KIRREL3: variants seen among roughly 807,000 people sequenced by gnomAD.
KIRREL3 encodes kin of IRRE-like protein 3.
A neutral mutation model predicts 89.7 loss-of-function variants in KIRREL3; 36 were observed. The observed-to-expected ratio is 0.40, with a 90% CI of 0.31 to 0.53. The LOEUF (loss-of-function observed/expected upper bound fraction) is 0.53. KIRREL3 is among the 20% of genes least tolerant of loss of function. The probability of loss-of-function intolerance (pLI) is 0.49; values close to 1 mark genes in which losing one functional copy is unlikely to be tolerated. For missense variants in KIRREL3, 864 were observed against 1,056.6 expected (o/e 0.82, Z 2.53); for synonymous variants, 445 against 441.4 (o/e 1.01, Z -0.10).
chr11:126,936,284 A>G (rs768546141), intron 1 of KIRREL3: 2 of 152,214 alleles, frequency 1.3e-5, no homozygotes, highest in Non-Finnish European at 2.9e-5. Context: ...CCCTCAATAC[A>G]TTGCTGGTAG....
intron 1 of KIRREL3, among the ~76,000 whole-genome samples, chr11:126,680,397 G>GAT (rs150251599): frequency 0.019 from 2,803 of 143,936 alleles, 32 homozygotes; most frequent in African/African-American, 0.039. Context: ...TTCTACTGGA[G>GAT]ATATATATAT....
At chr11:126,859,661 A>C (rs1158848024) in intron 1 of KIRREL3, among the ~76,000 whole-genome samples, 1 of 152,236 alleles carries the variant, frequency 6.6e-6, no homozygotes, top group East Asian at 1.9e-4. Context: ...ATTGACATTA[A>C]AGGTAAAACT....
At position 126,990,407 on chromosome 11, in the gene KIRREL3, C is replaced by T. The variant is rs2135275075; in HGVS notation, c.55+10048G>A. Among the ~76,000 whole-genome samples the T allele has an allele frequency of 6.6e-6, 1 of 152,160 alleles. No individual in the cohort carries two copies. Among genetic ancestry groups the T allele is most frequent in the East Asian group, 1.9e-4 (1 of 5,150 alleles). On this transcript the variant is annotated intron_variant, in intron 1 of 16. Transcript: ENST00000525144. This position sits in a 1 kb window ranked among gnomAD's most constrained non-coding sequence, Gnocchi z 6.3. ...CCATCTGTAACGTTGCCCTCACCAC[C>T]CAGAGGCGAGGAGGAGAGCCCCCCA...
At position 126,891,916 on chromosome 11, in the gene KIRREL3, CA is replaced by C. The variant is rs752242908; in HGVS notation, c.55+108538del. Among the ~76,000 whole-genome samples, 4 of 152,220 alleles carry C rather than the reference CA, an allele frequency of 2.6e-5. No individual in the cohort carries two copies. The highest frequency in any genetic ancestry group is 4.4e-5 in the Non-Finnish European group (3 of 68,034). On this transcript the variant is annotated intron_variant, in intron 1 of 16. Coordinates refer to ENST00000525144, the MANE Select transcript of KIRREL3 (RefSeq NM_032531.4). This position sits in a 1 kb window ranked among gnomAD's most constrained non-coding sequence, Gnocchi z 5.1. ...GCCCAAGAATACATATGAATATCTG[CA>C]AAAACAAAGTTGGGGTTTGATATCT...
chr11:126,968,592 C>T (rs960268116), intron 1 of KIRREL3, among the ~76,000 whole-genome samples: 1 of 152,208 alleles, frequency 6.6e-6, no homozygotes, highest in Non-Finnish European at 1.5e-5. Flanking sequence ...TAAATGCTAA[C>T]AGCGTGCTGG....
chr11:126,869,981 A>C (rs1275668608), intron 1 of KIRREL3, among the ~76,000 whole-genome samples: 1 of 152,170 alleles, frequency 6.6e-6, no homozygotes, highest in Admixed American at 6.5e-5. Flanking sequence ...CCCCTGAGTG[A>C]CCTTTCAAAT....
chr11:126,793,714 A>G (rs1470568960), intron 1 of KIRREL3, among the ~76,000 whole-genome samples: 2 of 152,194 alleles, frequency 1.3e-5, no homozygotes, highest in African/African-American at 4.8e-5. Flanking sequence ...TAACTAAGGA[A>G]AATGCGTAAA....
At chr11:126,922,544 AG>A (rs1183717989) in intron 1 of KIRREL3, among the ~76,000 whole-genome samples, 1 of 151,902 alleles carries the variant, frequency 6.6e-6, no homozygotes, top group African/African-American at 2.4e-5. Context: ...CTCCCATACA[AG>A]GTGAATCCCT....
intron 1 of KIRREL3, among the ~76,000 whole-genome samples, chr11:126,756,332 G>A (rs1302540503): frequency 1.3e-5 from 2 of 152,222 alleles, no homozygotes; most frequent in Non-Finnish European, 2.9e-5. Flanking sequence ...TTAACAAATG[G>A]TAAATAGAAT....
intron 5 of KIRREL3, among the ~76,000 whole-genome samples, chr11:126,468,666 C>A (rs1402343593): frequency 1.5e-4 from 23 of 152,214 alleles, no homozygotes; most frequent in Admixed American, 1.5e-3. Context: ...GCTGTATGAC[C>A]CCTGGGGCAG....
chr11:126,472,719 A>AGAGAGAGAG (rs1956930783), intron 5 of KIRREL3, among the ~76,000 whole-genome samples: 1 of 151,944 alleles, frequency 6.6e-6, no homozygotes, highest in East Asian at 1.9e-4. Flanking sequence ...AGAGAGAGAG[A>AGAGAGAGAG]GAGAGAGAGA....
intron 1 of KIRREL3, among the ~76,000 whole-genome samples, chr11:126,586,489 T>C (rs1330345888): frequency 6.6e-6 from 1 of 151,890 alleles, no homozygotes; most frequent in Non-Finnish European, 1.5e-5. Flanking sequence ...CCGCCCTCTT[T>C]CTGCTTGTCA....
rs1042133509 is a variant in KIRREL3, at chr11:126,795,057, G to C, written c.55+205398C>G. Among the ~76,000 whole-genome samples, 3 of 152,226 alleles carry C rather than the reference G, an allele frequency of 2.0e-5. No individual in the cohort carries two copies. The highest frequency in any genetic ancestry group is 7.2e-5 in the African/African-American group (3 of 41,460). On this transcript the variant is annotated intron_variant, in intron 1 of 16. Transcript: ENST00000525144. This position sits in a 1 kb window ranked among gnomAD's most constrained non-coding sequence, Gnocchi z 4.1. Reference sequence around the variant, plus strand: ...GGAAAGGCAGACAAAAGAAAGTTCAGTGTTTGCCAGGGGTTGGGCAGGAGG... The same window carrying C: ...GGAAAGGCAGACAAAAGAAAGTTCACTGTTTGCCAGGGGTTGGGCAGGAGG...
chr11:126,439,828 C>CAA (rs200100479), intron 11 of KIRREL3, among the ~76,000 whole-genome samples: 6,958 of 151,368 alleles, frequency 0.046, 271 homozygotes, highest in East Asian at 0.22. Context: ...AAAAAACAAA[C>CAA]ACAAACAAAC....
In KIRREL3 at chr11:126,812,349, C is replaced by A. The variant is rs1172404913; in HGVS notation, c.55+188106G>T. ...AACGAAGTATGCTCTCCAGGCTAAC[C>A]GTTGGTGGTTTAGGCAGACGGAACT... On this transcript the variant is annotated intron_variant, in intron 1 of 16. Coordinates refer to ENST00000525144, the MANE Select transcript of KIRREL3 (RefSeq NM_032531.4). The surrounding 1 kb of genome is among the most constrained non-coding windows in gnomAD (Gnocchi z 5.2). Among the ~76,000 whole-genome samples, 1 of 152,070 alleles carries A rather than the reference C, an allele frequency of 6.6e-6. No individual in the cohort carries two copies. Among genetic ancestry groups the A allele is most frequent in the African/African-American group, 2.4e-5 (1 of 41,388 alleles).
chr11:126,448,695 G>C (rs1372217809), intron 8 of KIRREL3, among the ~76,000 whole-genome samples: 1 of 152,146 alleles, frequency 6.6e-6, no homozygotes, highest in Non-Finnish European at 1.5e-5. Flanking sequence ...GAAGGCAGCT[G>C]CCTGCAAGCC....
intron 1 of KIRREL3, among the ~76,000 whole-genome samples, chr11:126,967,863 T>C (rs780935256): frequency 1.2e-4 from 18 of 151,998 alleles, no homozygotes; most frequent in Non-Finnish European, 2.4e-4. Flanking sequence ...CCTCTTACAA[T>C]GCACAAGACA....
rs1956620525 is a variant in KIRREL3, at chr11:126,463,501, G to A, written c.592-194C>T. Among the ~76,000 whole-genome samples the A allele has an allele frequency of 6.6e-6, 1 of 152,256 alleles. No homozygotes were observed. The highest frequency in any genetic ancestry group is 2.4e-5 in the African/African-American group (1 of 41,468). ...CCCCCTGGCTCCCTGGCCTGGCTAAGTGCTGGGCTGTGGAAGGAAAAAGGA... is the reference window on the plus strand; with the variant it reads ...CCCCCTGGCTCCCTGGCCTGGCTAAATGCTGGGCTGTGGAAGGAAAAAGGA... On this transcript the variant is annotated intron_variant, in intron 5 of 16. Transcript: ENST00000525144. The surrounding 1 kb of genome is among the most constrained non-coding windows in gnomAD (Gnocchi z 5.9).
In KIRREL3 at chr11:126,768,811, T is replaced by C. The variant is rs559264697; in HGVS notation, c.56-205899A>G. On this transcript the variant is annotated intron_variant, in intron 1 of 16. Coordinates refer to ENST00000525144, the MANE Select transcript of KIRREL3 (RefSeq NM_032531.4). The surrounding 1 kb of genome is among the most constrained non-coding windows in gnomAD (Gnocchi z 4.5). ...GCTTGATGGTCCTGGGGAAAGGAGG[T>C]ATGGCAGGATGTCTGAGCAGTCGGC... 1.1e-4 allele frequency among the ~76,000 whole-genome samples: 17 copies of C among 152,160 alleles called. No homozygotes were observed. In the South Asian group the frequency reaches 3.3e-3, roughly 30 times the overall value.
Sources: gnomAD v4.1 joint callset for allele counts (sites outside exome capture counted in the v4.1 genomes callset) on GRCh38, gnomAD v4.1.1 for gene constraint, Gnocchi (gnomAD v3.1) non-coding constraint, MANE v1.5 for transcripts, NCBI Gene and HGNC (gene_info 2026-07-23, HGNC 2026-07-21) for gene names.